PCP4L1: variants seen among roughly 807,000 people sequenced by gnomAD.
The protein encoded by PCP4L1 is Purkinje cell protein 4-like protein 1.
PCP4L1 carries 9 observed loss-of-function variants against 9.6 expected under a neutral mutation model. That is an observed-to-expected ratio of 0.94 (90% confidence interval 0.57 to 1.64). PCP4L1 has a LOEUF of 1.64. Among genes scored for constraint, PCP4L1 ranks in the 40% most tolerant of loss-of-function variants. The probability of loss-of-function intolerance (pLI) is 0.00; values close to 1 mark genes in which losing one functional copy is unlikely to be tolerated. For synonymous variants in PCP4L1, 31 were observed against 28.2 expected, an observed-to-expected ratio of 1.10 and a Z score of -0.31; for missense variants, 81 against 80.8, an observed-to-expected ratio of 1.00 and a Z score of -0.01.
chr1:161,263,588 C>CTTT (rs11355401), intron 1 of PCP4L1, among the ~76,000 whole-genome samples: 3 of 141,788 alleles, frequency 2.1e-5, no homozygotes, highest in East Asian at 2.0e-4. Context: ...ATTTCAAGTA[C>CTTT]TTTTTTTTTT....
At chr1:161,279,311 G>A (rs1669755725) in intron 1 of PCP4L1, among the ~76,000 whole-genome samples, 1 of 152,132 alleles carries the variant, frequency 6.6e-6, no homozygotes, top group Non-Finnish European at 1.5e-5. Flanking sequence ...TGTATTTGTT[G>A]AATAAGTGCA....
In PCP4L1 at chr1:161,284,908, C is replaced by T; in HGVS notation, c.*427C>T. Reference sequence around the variant, plus strand: ...ACACTTTAGGTAACATTTTTTTTCCCCTTCAGATCCTTCTGCACCAACTCC... The same window carrying T: ...ACACTTTAGGTAACATTTTTTTTCCTCTTCAGATCCTTCTGCACCAACTCC... On this transcript the variant is annotated 3_prime_UTR_variant, in exon 3 of 3. Coordinates refer to ENST00000504449, the MANE Select transcript of PCP4L1 (RefSeq NM_001102566.2). 1 of 173,418 alleles carries T rather than the reference C, an allele frequency of 5.8e-6. No individual in the cohort carries two copies. The highest frequency in any genetic ancestry group is 1.4e-4 in the South Asian group (1 of 6,934). 10.7% of individuals were successfully genotyped at this position (173,418 alleles called of 1,614,324 possible).
chr1:161,270,182 G>A (rs141208413), intron 1 of PCP4L1, among the ~76,000 whole-genome samples: 7,694 of 149,004 alleles, frequency 0.052, 223 homozygotes, highest in Middle Eastern at 0.084. Flanking sequence ...CTGTAATCCC[G>A]GCTACTCGGG....
Position 161,284,552 on chromosome 1 carries a change from C to T in PCP4L1, c.*71C>T. 2 of 1,554,444 alleles carry T rather than the reference C, an allele frequency of 1.3e-6. No homozygotes were observed. The highest frequency in any genetic ancestry group is 1.7e-6 in the Non-Finnish European group (2 of 1,147,416). ...TCTCCCCTTCTCCACACCCATGTAT[C>T]TTTATCCCTTGTCCCTCTAGCCTTT... is the stretch of plus-strand genomic sequence containing the variant. On this transcript the variant is annotated 3_prime_UTR_variant, in exon 3 of 3. Transcript: ENST00000504449.
At chr1:161,284,261 C>G in intron 2 of PCP4L1, 78 bp from the exon 3 acceptor site, 1 of 1,593,548 alleles carries the variant, frequency 6.3e-7, no homozygotes, top group Non-Finnish European at 8.6e-7. Context: ...TGGACCTTAC[C>G]CACTGTATTG....
chr1:161,269,856 G>A (rs973147155), intron 1 of PCP4L1, among the ~76,000 whole-genome samples: 21 of 152,030 alleles, frequency 1.4e-4, no homozygotes, highest in African/African-American at 4.6e-4. Context: ...AATATTAGCC[G>A]GGTGTAGTGG....
chr1:161,280,308 T>C (rs1409871720), intron 1 of PCP4L1, among the ~76,000 whole-genome samples: 2 of 152,198 alleles, frequency 1.3e-5, no homozygotes, highest in Non-Finnish European at 2.9e-5. Flanking sequence ...CTAGTCTAGC[T>C]CTTATTCAAG....
In PCP4L1 at chr1:161,278,057, A is replaced by G. The variant is rs191653076; in HGVS notation, c.10-5611A>G. Among the ~76,000 whole-genome samples the G allele has an allele frequency of 2.6e-4, 39 of 152,124 alleles. No individual in the cohort carries two copies. The East Asian group carries it at 6.0e-3, about 23-fold the overall frequency. On this transcript the variant is annotated intron_variant, in intron 1 of 2. Transcript: ENST00000504449. ...TATTCAAGATATCACTCTGGTAATT[A>G]TCCCCTCTCCTGTATCATCAGTTTT... is the stretch of plus-strand genomic sequence containing the variant.
At chr1:161,260,712 G>C (rs943554319) in intron 1 of PCP4L1, among the ~76,000 whole-genome samples, 7 of 152,212 alleles carry the variant, frequency 4.6e-5, no homozygotes, top group Non-Finnish European at 8.8e-5. Context: ...AGAAAGCCAA[G>C]TCCGCTCCCT....
rs763193177 is a variant in PCP4L1, at chr1:161,284,333, C to T, written c.65-6C>T. 1 of 1,613,866 alleles carries T rather than the reference C, an allele frequency of 6.2e-7. No homozygotes were observed. Among genetic ancestry groups the T allele is most frequent in the African/African-American group, 1.3e-5 (1 of 74,906 alleles). ...ACTCATTAATGAGTCTCCCAACTAT[C>T]TGCAGGAAAAGCTGGCAATGTCAAG... On this transcript the variant is annotated splice_polypyrimidine_tract_variant and splice_region_variant and intron_variant, in intron 2 of 2. Transcript: ENST00000504449.
chr1:161,275,312 C>G (rs1378735214), intron 1 of PCP4L1, among the ~76,000 whole-genome samples: 1 of 151,754 alleles, frequency 6.6e-6, no homozygotes, highest in Non-Finnish European at 1.5e-5. Context: ...GTCAGGAGAT[C>G]AAGACCATCC....
Position 161,270,569 on chromosome 1 carries a change from C to CAAAGAAAAAAA in PCP4L1, c.9+11589_9+11590insGAAAAAAAAAA, listed in dbSNP as rs747923609. Reference sequence around the variant, plus strand: ...ACCCTTATAAAAGAGACCCCAGGCTCAAAAAAAAAAAGAGAGACCCCAGGC... The same window carrying CAAAGAAAAAAA: ...ACCCTTATAAAAGAGACCCCAGGCTCAAAGAAAAAAAAAAAAAAAAAAGAGAGACCCCAGGC... On this transcript the variant is annotated intron_variant, in intron 1 of 2. Transcript: ENST00000504449. Among the ~76,000 whole-genome samples the CAAAGAAAAAAA allele has an allele frequency of 2.1e-4, 24 of 116,586 alleles. 1 individual carries two copies. Among genetic ancestry groups the CAAAGAAAAAAA allele is most frequent in the African/African-American group, 8.3e-4 (24 of 29,040 alleles). The allele number at this position is 116,586 out of a possible 152,430, so 76.5% of individuals were successfully genotyped here.
At chr1:161,282,220 A>G (rs1669833179) in intron 1 of PCP4L1, among the ~76,000 whole-genome samples, 1 of 138,214 alleles carries the variant, frequency 7.2e-6, no homozygotes, top group South Asian at 2.3e-4. Flanking sequence ...CCCTGTCTCC[A>G]CCAAAAAAAT....
At chr1:161,265,718 C>G (rs1558142208) in intron 1 of PCP4L1, among the ~76,000 whole-genome samples, 1 of 146,182 alleles carries the variant, frequency 6.8e-6, no homozygotes, top group Non-Finnish European at 1.5e-5. Flanking sequence ...TAAATCAGAG[C>G]AGATCCAAAA....
At position 161,284,450 on chromosome 1, in the gene PCP4L1, T is replaced by G. The variant is rs1669873820; in HGVS notation, c.176T>G (p.Phe59Cys). ...GCTATTCAGGGCAAGTTCCGGCGAT[T>G]TCAGAAAAGGAAAAAGGATCCCAGC... ...ALAIQGKFRR[F>C]QKRKKDPSS Residue 59 changes from phenylalanine to cysteine, a missense_variant, in exon 3 of 3, where the codon TTT becomes TGT. Transcript: ENST00000504449. The G allele has an allele frequency of 2.5e-6, 4 of 1,613,812 alleles. No individual in the cohort carries two copies. The highest frequency in any genetic ancestry group is 3.4e-6 in the Non-Finnish European group (4 of 1,179,832).
chr1:161,270,891 A>AG (rs35444451), intron 1 of PCP4L1, among the ~76,000 whole-genome samples: 6 of 149,396 alleles, frequency 4.0e-5, no homozygotes, highest in Non-Finnish European at 7.4e-5. Context: ...AAAAAAAAAA[A>AG]GAGACCCCAA....
intron 2 of PCP4L1, 108 bp downstream of exon 2, chr1:161,283,830 A>C (rs1669863010): frequency 1.7e-6 from 2 of 1,150,980 alleles, no homozygotes; most frequent in Non-Finnish European, 2.5e-6. Context: ...AGGAATAAGA[A>C]TGTGGATAAG....
chr1:161,263,399 G>A (rs770217510), intron 1 of PCP4L1, among the ~76,000 whole-genome samples: 5 of 151,910 alleles, frequency 3.3e-5, no homozygotes, highest in South Asian at 2.1e-4. Flanking sequence ...CACCACGCCC[G>A]GCTAATTTTT....
At chr1:161,273,359 C>A (rs1315376033) in intron 1 of PCP4L1, among the ~76,000 whole-genome samples, 1 of 152,126 alleles carries the variant, frequency 6.6e-6, no homozygotes, top group Admixed American at 6.6e-5. Context: ...GTGGGTGGCT[C>A]ACACCTGTAA....
Sources: gnomAD v4.1 joint callset for allele counts (sites outside exome capture counted in the v4.1 genomes callset) on GRCh38, gnomAD v4.1.1 for gene constraint, MANE v1.5 for transcripts, NCBI Gene and HGNC (gene_info 2026-07-23, HGNC 2026-07-21) for gene names.